Variants in WDR26 observed in about 807,000 individuals in gnomAD.
The protein encoded by WDR26 is WD repeat-containing protein 26.
In WDR26, 5 loss-of-function variants were observed where a neutral mutation model predicts 84.1. That is an observed-to-expected ratio of 0.06 (90% CI 0.03 to 0.13). WDR26 has a LOEUF of 0.13. WDR26 is among the 10% of genes least tolerant of loss of function. The pLI, the probability that WDR26 is intolerant of heterozygous loss-of-function variation, is 1.00. For synonymous variants in WDR26, 415 were observed against 389.6 expected, an observed-to-expected ratio of 1.07 and a Z score of -0.77; for missense variants, 642 against 974.9, an observed-to-expected ratio of 0.66 and a Z score of 4.55.
At chr1:224,431,210 C>A in intron 3 of WDR26, 1 of 312,576 alleles carries the variant, frequency 3.2e-6, no homozygotes, top group Non-Finnish European at 6.0e-6. Flanking sequence ...AATATAAAAC[C>A]TCTATTAGTA....
chr1:224,398,566 A>C lies in WDR26; in HGVS notation c.1893T>G (p.Ser631=), dbSNP rs766192698. Reference sequence around the variant, plus strand: ...ATCGGCCATTTTTTGAAATAGTAAAAGACATAATAGGATGATCTTCTTGTA... The same window carrying C: ...ATCGGCCATTTTTTGAAATAGTAAACGACATAATAGGATGATCTTCTTGTA... The change falls in exon 11 of 14, where the codon TCT becomes TCG. Residue 631 remains serine (S), a synonymous_variant. Transcript: ENST00000414423. 9.2e-5 allele frequency: 149 copies of C among 1,610,996 alleles called. 4 individuals carry two copies. The Middle Eastern group carries it at 0.012, about 127-fold the overall frequency.
intron 6 of WDR26, among the ~76,000 whole-genome samples, chr1:224,414,038 C>A (rs1177338344): frequency 6.6e-6 from 1 of 151,748 alleles, no homozygotes; most frequent in East Asian, 1.9e-4. Flanking sequence ...TCTCGAACTC[C>A]TGACCTCACG....
At chr1:224,406,144 A>G (rs1322463584) in intron 7 of WDR26, among the ~76,000 whole-genome samples, 1 of 152,224 alleles carries the variant, frequency 6.6e-6, no homozygotes, top group Non-Finnish European at 1.5e-5. Context: ...TGAGTCCAGG[A>G]GTTCAAGACC....
At chr1:224,392,743 T>C (rs1014279520) in intron 13 of WDR26, among the ~76,000 whole-genome samples, 5 of 152,158 alleles carry the variant, frequency 3.3e-5, no homozygotes, top group Admixed American at 6.5e-5. Flanking sequence ...TCTGATTGCA[T>C]ATCCTTACCC....
chr1:224,417,002 T>G (rs189115127), intron 6 of WDR26, among the ~76,000 whole-genome samples: 35 of 152,352 alleles, frequency 2.3e-4, no homozygotes, highest in Admixed American at 2.0e-3. Flanking sequence ...ATTTAAGATA[T>G]GTACCAAGTA....
At chr1:224,424,712 GT>G in intron 3 of WDR26, 58 bp from the exon 4 acceptor site, 1 of 1,610,816 alleles carries the variant, frequency 6.2e-7, no homozygotes, top group Non-Finnish European at 8.5e-7. Flanking sequence ...TTCAGAAAAT[GT>G]TTGTGCCTAA....
At chr1:224,393,452 T>A (rs1673178323) in intron 13 of WDR26, among the ~76,000 whole-genome samples, 1 of 152,212 alleles carries the variant, frequency 6.6e-6, no homozygotes, top group South Asian at 2.1e-4. Flanking sequence ...ATATTTAATA[T>A]CTAAAGTTGT....
At position 224,434,232 on chromosome 1, in the gene WDR26, G is replaced by GGAGGAGGAGGAGGAGGACGAC. The variant is rs1674529359; in HGVS notation, c.173_174insGTCGTCCTCCTCCTCCTCCTC (p.Ser61_Ser67dup). The GGAGGAGGAGGAGGAGGACGAC allele has an allele frequency of 7.3e-7, 1 of 1,370,028 alleles. No individual in the cohort carries two copies. The highest frequency in any genetic ancestry group is 9.4e-7 in the Non-Finnish European group (1 of 1,063,494). 84.9% of individuals were successfully genotyped at this position (1,370,028 alleles called of 1,614,324 possible). A position where few individuals can be genotyped will look rare whatever the true frequency, so the allele number is the denominator to read the frequency against. On this transcript the variant is annotated inframe_insertion, in exon 1 of 14. Coordinates refer to ENST00000414423, the MANE Select transcript of WDR26 (RefSeq NM_001379403.1). Reference sequence around the variant, plus strand: ...AGGAGGAGGAGGAGGAGGAGGACGAGGACGACGAGGACGGAGGGGAGAGGC... The same window carrying GGAGGAGGAGGAGGAGGACGAC: ...AGGAGGAGGAGGAGGAGGAGGACGAGGAGGAGGAGGAGGAGGACGACGACGACGAGGACGGAGGGGAGAGGC...
intron 4 of WDR26, among the ~76,000 whole-genome samples, chr1:224,424,038 C>T (rs1194694545): frequency 7.9e-6 from 1 of 127,038 alleles, no homozygotes; most frequent in East Asian, 3.5e-4. Context: ...CTGTAAGACC[C>T]TGTCTCTACC....
intron 6 of WDR26, among the ~76,000 whole-genome samples, chr1:224,416,792 T>A (rs1673916719): frequency 6.6e-6 from 1 of 152,252 alleles, no homozygotes; most frequent in African/African-American, 2.4e-5. Flanking sequence ...CACAAGCGTC[T>A]TAATTTTAAC....
chr1:224,401,088 G>A lies in WDR26; in HGVS notation c.1600-19C>T. Reference sequence around the variant, plus strand: ...CTCCTGTCTATAAGGAAATAAAACTGTAAATGAGACCTTCAAGATACCCCT... The same window carrying A: ...CTCCTGTCTATAAGGAAATAAAACTATAAATGAGACCTTCAAGATACCCCT... On this transcript the variant is annotated intron_variant, in intron 8 of 13. Coordinates refer to ENST00000414423, the MANE Select transcript of WDR26 (RefSeq NM_001379403.1). The A allele has an allele frequency of 1.2e-6, 2 of 1,606,076 alleles. No individual in the cohort carries two copies. The highest frequency in any genetic ancestry group is 1.7e-6 in the Non-Finnish European group (2 of 1,176,786).
Position 224,433,170 on chromosome 1 carries a change from T to G in WDR26, c.722+514A>C, listed in dbSNP as rs1315937273. On this transcript the variant is annotated intron_variant, in intron 1 of 13. Transcript: ENST00000414423. ...GCCCCTCCGTTCCCATAAACACTTG[T>G]AGGTGATTGTCTTTCCTGATTGGTA... is the stretch of plus-strand genomic sequence containing the variant. Among the ~76,000 whole-genome samples, 3 of 152,186 alleles carry G rather than the reference T, an allele frequency of 2.0e-5. No individual in the cohort carries two copies. The East Asian group carries it at 5.8e-4, about 29-fold the overall frequency.
chr1:224,419,459 A>C, intron 5 of WDR26, 59 bp downstream of exon 5: 1 of 1,259,278 alleles, frequency 7.9e-7, no homozygotes, highest in South Asian at 1.2e-5. Flanking sequence ...CTAATTGATC[A>C]CTGTATCCAT....
intron 6 of WDR26, 84 bp from the exon 7 acceptor site, chr1:224,411,649 T>G (rs1673739134): frequency 7.2e-7 from 1 of 1,383,394 alleles, no homozygotes. Flanking sequence ...TGACAAAACT[T>G]CTTTGAAGAT....
intron 6 of WDR26, among the ~76,000 whole-genome samples, chr1:224,414,797 C>T (rs1673845386): frequency 7.0e-6 from 1 of 143,658 alleles, no homozygotes; most frequent in Non-Finnish European, 1.5e-5. Flanking sequence ...CTGGGCAACA[C>T]AGTGAGCAAC....
intron 4 of WDR26, among the ~76,000 whole-genome samples, chr1:224,421,984 A>G (rs1280458387): frequency 6.6e-6 from 1 of 152,086 alleles, no homozygotes; most frequent in Non-Finnish European, 1.5e-5. Context: ...TTTTGTATTT[A>G]CAAACTCGTG....
chr1:224,397,875 T>C, intron 12 of WDR26: 1 of 536,566 alleles, frequency 1.9e-6, no homozygotes, highest in Non-Finnish European at 3.2e-6. Flanking sequence ...ATGGAGGGCT[T>C]AGGTCATTAC....
At chr1:224,393,791 T>C (rs773526722) in intron 13 of WDR26, 37 bp downstream of exon 13, 4 of 1,434,130 alleles carry the variant, frequency 2.8e-6, no homozygotes, top group South Asian at 1.6e-5. Flanking sequence ...GATGTTTCAT[T>C]TGGACAAAAC....
At chr1:224,417,802 G>A (rs1418306113) in intron 6 of WDR26, among the ~76,000 whole-genome samples, 1 of 152,120 alleles carries the variant, frequency 6.6e-6, no homozygotes, top group African/African-American at 2.4e-5. Flanking sequence ...TCCTAATGTC[G>A]AAAGAGAAGC....
Sources: gnomAD v4.1 joint callset for allele counts (sites outside exome capture counted in the v4.1 genomes callset) on GRCh38, gnomAD v4.1.1 for gene constraint, MANE v1.5 for transcripts, NCBI Gene and HGNC (gene_info 2026-07-23, HGNC 2026-07-21) for gene names.